FBN3: variants seen among roughly 807,000 people sequenced by gnomAD.
FBN3 encodes the protein fibrillin-3.
FBN3 carries 234 observed loss-of-function variants against 330.1 expected under a neutral mutation model. The observed-to-expected ratio is 0.71, with a 90% CI of 0.64 to 0.79. The LOEUF (loss-of-function observed/expected upper bound fraction) is 0.79. Ranked by LOEUF, FBN3 falls within the 30% of genes least tolerant of loss-of-function variation. The probability of loss-of-function intolerance (pLI) is 0.00; values close to 1 mark genes in which losing one functional copy is unlikely to be tolerated. For missense variants in FBN3, 3,606 were observed against 3,886.9 expected (o/e 0.93, Z 1.92); for synonymous variants, 1,458 against 1,517.3 (o/e 0.96, Z 0.91).
intron 38 of FBN3, among the ~76,000 whole-genome samples, chr19:8,105,103 T>C (rs1378247939): frequency 6.8e-6 from 1 of 146,996 alleles, no homozygotes; most frequent in Non-Finnish European, 1.5e-5. Flanking sequence ...TATAGGCATG[T>C]GTCACTATGC....
rs2082730864 is a variant in FBN3 at position 8,117,429 on chromosome 19, G to A, written c.3463+35C>T. 3 of 1,557,392 alleles carry A rather than the reference G, an allele frequency of 1.9e-6. No homozygotes were observed. The East Asian group carries it at 7.2e-5, about 37-fold the overall frequency. The stretch of plus-strand genomic sequence containing the variant: ...TACCACTATGTCTGGGACTGTGGTT[G>A]GTGCCCAGGGGCCAGCAGGTGGGCA... On this transcript the variant is annotated intron_variant, in intron 27 of 63. Transcript: ENST00000600128.
At chr19:8,084,786 C>G (rs80249946) in intron 56 of FBN3, among the ~76,000 whole-genome samples, 1 of 151,806 alleles carries the variant, frequency 6.6e-6, no homozygotes, top group African/African-American at 2.4e-5. Context: ...TGAGGTTTCA[C>G]CATGTTGACC....
In FBN3 at chr19:8,089,639, G is replaced by A; in HGVS notation, c.6282C>T (p.Val2094=). The change falls in exon 51 of 64, where the codon GTC becomes GTT. Residue 2094 remains valine (V), a synonymous_variant. Transcript: ENST00000600128. ...TGTTGACACAGACGCCGTTAGTGCA[G>A]ACGCCAGGGTTCTCTGCACACTCAT... ...DVNECAENPG[V]CTNGVCVNTD... is the part of the protein sequence containing the mutation. 1 of 1,614,238 alleles carries A rather than the reference G, an allele frequency of 6.2e-7. No individual in the cohort carries two copies. Among genetic ancestry groups the A allele is most frequent in the Non-Finnish European group, 8.5e-7 (1 of 1,180,032 alleles).
chr19:8,139,772 T>C (rs995101676), intron 8 of FBN3, among the ~76,000 whole-genome samples: 32 of 151,884 alleles, frequency 2.1e-4, no homozygotes, highest in Non-Finnish European at 8.8e-5. Flanking sequence ...TTTCTCAGGC[T>C]CTGGCTTAAA....
rs2082532501 is a variant in FBN3, at chr19:8,109,669, TG to T, written c.4417del (p.Gln1473ArgfsTer5). 1.9e-6 allele frequency: 3 copies of T among 1,581,218 alleles called. No individual in the cohort carries two copies. The highest frequency in any genetic ancestry group is 2.6e-6 in the Non-Finnish European group (3 of 1,164,676). On this transcript the variant is annotated frameshift_variant, in exon 35 of 64. Coordinates refer to ENST00000600128, the MANE Select transcript of FBN3 (RefSeq NM_032447.5). LOFTEE classifies it high-confidence loss of function. The surrounding 1 kb of genome is among the most constrained non-coding windows in gnomAD (Gnocchi z 5.2). ...TCCGCTGGGGTTCAGCTCAAAATCCTGGGGGCAGCTGCAGAGGTAGCTGCCG... is the reference window on the plus strand; with the variant it reads ...TCCGCTGGGGTTCAGCTCAAAATCCTGGGGCAGCTGCAGAGGTAGCTGCCG... ...TPGSYLCSCPQDFELNPSGVG... is the reference protein window; with the variant it reads ...TPGSYLCSCPXDFELNPSGVG...
Position 8,136,294 on chromosome 19 carries a change from G to A in FBN3, c.1361C>T (p.Thr454Ile), listed in dbSNP as rs1262630337. 5 of 1,602,468 alleles carry A rather than the reference G, an allele frequency of 3.1e-6. No homozygotes were observed. The highest frequency in any genetic ancestry group is 3.4e-6 in the Non-Finnish European group (4 of 1,175,540). Residue 454 changes from threonine to isoleucine, a missense_variant, in exon 12 of 64, where the codon ACC (threonine) becomes ATC (isoleucine). Physicochemically the swap from Thr to Ile is moderately conservative, Grantham distance 89. Coordinates refer to ENST00000600128, the MANE Select transcript of FBN3 (RefSeq NM_032447.5). ...RGECIDVDEC[T>I]SSPCHHGDCV... The stretch of plus-strand genomic sequence containing the variant: ...GTCACCGTGGTGGCAGGGGCTGCTG[G>A]TGCATTCGTCTACATCTGAGGGGAG...
intron 19 of FBN3, 40 bp downstream of exon 19, chr19:8,126,673 C>T (rs755110761): frequency 3.7e-5 from 58 of 1,587,784 alleles, no homozygotes; most frequent in Non-Finnish European, 4.6e-5. Context: ...CCCATAGACG[C>T]CCAGCCTCTG....
Position 8,126,321 on chromosome 19 carries a change from G to C in FBN3, c.2581C>G (p.Arg861Gly). The change falls in exon 21 of 64, where the codon CGG becomes GGG. Residue 861 changes from arginine to glycine, a missense_variant. Coordinates refer to ENST00000600128, the MANE Select transcript of FBN3 (RefSeq NM_032447.5). ...CCATCGCAGGTGACACCCGTCATCCGGGCAAAGCCCCGGGCACAGGCAGGG... is the reference window on the plus strand; with the variant it reads ...CCATCGCAGGTGACACCCGTCATCCCGGCAAAGCCCCGGGCACAGGCAGGG... The part of the protein sequence containing the change: ...IDPACARGFA[R>G]MTGVTCDDVN... 1.9e-6 allele frequency: 3 copies of C among 1,590,272 alleles called. No homozygotes were observed. The highest frequency in any genetic ancestry group is 2.6e-6 in the Non-Finnish European group (3 of 1,170,288).
Position 8,135,945 on chromosome 19 carries a change from C to CCCCCCCA in FBN3, c.1591+15_1591+16insTGGGGGG. On this transcript the variant is annotated intron_variant, in intron 13 of 63. Transcript: ENST00000600128. The stretch of plus-strand genomic sequence containing the variant: ...GGGCCCGGAAGCCCCTGCCCACCCG[C>CCCCCCCA]CCACCCCCAACTCACCCACACAGTT... The CCCCCCCA allele has an allele frequency of 2.0e-6, 1 of 488,816 alleles. No homozygotes were observed. The highest frequency in any genetic ancestry group is 4.0e-6 in the Non-Finnish European group (1 of 249,008). The allele number at this position is 488,816 out of a possible 1,614,324, so 30.3% of individuals were successfully genotyped here. A position where few individuals can be genotyped will look rare whatever the true frequency, so the allele number is the denominator to read the frequency against.
chr19:8,116,606 A>T, intron 29 of FBN3, 68 bp downstream of exon 29: 1 of 1,525,062 alleles, frequency 6.6e-7, no homozygotes, highest in Non-Finnish European at 9.0e-7. Flanking sequence ...CACCTTGTGG[A>T]AGACCTGGTG....
intron 10 of FBN3, among the ~76,000 whole-genome samples, chr19:8,136,771 GGGGCCTGGATCCCTCCAACCT>G (rs1254366818): frequency 6.2e-5 from 9 of 145,876 alleles, no homozygotes; most frequent in Non-Finnish European, 9.1e-5. Flanking sequence ...CCTCCAACCT[GGGGCCTGGATCCCTCCAACCT>G]GGGCCTGGAT....
chr19:8,103,144 G>T (rs894509754), intron 39 of FBN3, among the ~76,000 whole-genome samples: 2 of 151,666 alleles, frequency 1.3e-5, no homozygotes, highest in Non-Finnish European at 2.9e-5. Context: ...GCACACGCCT[G>T]TAATCCCAGC....
intron 45 of FBN3, 38 bp downstream of exon 45, chr19:8,095,926 C>G (rs1449438149): frequency 1.2e-5 from 16 of 1,330,580 alleles, no homozygotes; most frequent in Non-Finnish European, 1.7e-5. Context: ...ATTCTGAGAA[C>G]CCACTTTGTG....
At chr19:8,102,226 T>TA (rs994378620) in intron 40 of FBN3, among the ~76,000 whole-genome samples, 45 of 151,852 alleles carry the variant, frequency 3.0e-4, no homozygotes, top group African/African-American at 1.1e-3. Flanking sequence ...TTTTTTATTT[T>TA]TTTTTTGAGA....
rs201413560 is a variant in FBN3, at chr19:8,075,264, A to G, written c.7582+19T>C. 2.4e-3 allele frequency: 3,898 copies of G among 1,603,370 alleles called. 5 individuals carry two copies. The highest frequency in any genetic ancestry group is 3.1e-3 in the Non-Finnish European group (3,600 of 1,172,556). On this transcript the variant is annotated intron_variant, in intron 60 of 63. Transcript: ENST00000600128. ...CCAACACCCCCAAACACTAGACCCC[A>G]GCCAAAGCTGGGCTGTACCTTCACA...
intron 24 of FBN3, among the ~76,000 whole-genome samples, 155 bp downstream of exon 24, chr19:8,123,309 G>A (rs1479148802): frequency 2.0e-5 from 3 of 151,878 alleles, no homozygotes; most frequent in Non-Finnish European, 2.9e-5. Context: ...AGCCGAGATC[G>A]TGCCATTGCA....
At chr19:8,122,330 G>C (rs1249989497) in intron 24 of FBN3, among the ~76,000 whole-genome samples, 1 of 151,738 alleles carries the variant, frequency 6.6e-6, no homozygotes, top group East Asian at 1.9e-4. Flanking sequence ...GGCCTCTAAA[G>C]GTCACCTTTG....
chr19:8,120,548 G>T (rs1202157095), intron 25 of FBN3, among the ~76,000 whole-genome samples: 1 of 151,796 alleles, frequency 6.6e-6, no homozygotes, highest in Non-Finnish European at 1.5e-5. Context: ...GAGTGCAAAA[G>T]TGCGATTATG....
rs146543008 is a variant in FBN3 at position 8,096,063 on chromosome 19, G to A, written c.5557C>T (p.Arg1853Trp). 307 of 1,613,628 alleles carry A rather than the reference G, an allele frequency of 1.9e-4. No homozygotes were observed. In the African/African-American group the frequency reaches 1.9e-3, roughly 10 times the overall value. Reference sequence around the variant, plus strand: ...CAGGTCCCATTTCCACAAGGCTGCCGGTCACACTCGTCAATGTCTGCAGAA... The same window carrying A: ...CAGGTCCCATTTCCACAAGGCTGCCAGTCACACTCGTCAATGTCTGCAGAA... The part of the protein sequence containing the change: ...TLCMDIDECD[R>W]QPCGNGTCKN... The change falls in exon 45 of 64, where the codon CGG becomes TGG. Residue 1853 changes from arginine (R) to tryptophan (W), a missense_variant. Physicochemically the swap from Arg to Trp is moderately radical, Grantham distance 101. Coordinates refer to ENST00000600128, the MANE Select transcript of FBN3 (RefSeq NM_032447.5). The surrounding 1 kb of genome is among the most constrained non-coding windows in gnomAD (Gnocchi z 4.6).
Sources: allele counts gnomAD v4.1 joint callset (sites outside exome capture counted in the v4.1 genomes callset), GRCh38; gene constraint gnomAD v4.1.1; non-coding constraint Gnocchi (gnomAD v3.1); transcripts MANE v1.5; gene names NCBI Gene and HGNC (gene_info 2026-07-23, HGNC 2026-07-21).